The following NCKAP5 variants were observed in gnomAD, a reference collection of about 807,000 sequenced individuals.
NCKAP5 encodes the protein NCK associated protein 5.
Under a neutral mutation model 167.0 loss-of-function variants are expected in NCKAP5, and 92 were observed. The observed-to-expected ratio is 0.55, with a 90% CI of 0.47 to 0.66. NCKAP5 has a LOEUF of 0.66. NCKAP5 is among the 30% of genes least tolerant of loss of function. The pLI, the probability that NCKAP5 is intolerant of heterozygous loss-of-function variation, is 0.00. For missense variants in NCKAP5, 2,378 were observed against 2,315.0 expected (o/e 1.03, Z -0.56); for synonymous variants, 891 against 877.4 (o/e 1.02, Z -0.27).
the NCKAP5 span, among the ~76,000 whole-genome samples, chr2:133,639,440 C>A: frequency 6.6e-6 from 1 of 152,188 alleles, no homozygotes. Context: ...CCTACTATGA[C>A]ACTATCTGGA....
chr2:133,399,690 T>C (rs1687977972), intron 3 of NCKAP5, among the ~76,000 whole-genome samples: 1 of 152,226 alleles, frequency 6.6e-6, no homozygotes, highest in Admixed American at 6.5e-5. Context: ...AGAGCTAATT[T>C]GATTCATTCA....
chr2:132,948,997 GAGAAATGAAA>G (rs2076090190), intron 8 of NCKAP5, among the ~76,000 whole-genome samples: 1 of 104,212 alleles, frequency 9.6e-6, no homozygotes, highest in Non-Finnish European at 1.8e-5. Flanking sequence ...CAAAGATCCA[GAGAAATGAAA>G]AGAAAAGAAA....
intron 11 of NCKAP5, among the ~76,000 whole-genome samples, chr2:132,832,247 A>G (rs1687578001): frequency 1.3e-5 from 2 of 152,150 alleles, no homozygotes; most frequent in South Asian, 4.1e-4. Flanking sequence ...GTATCATTCT[A>G]TAGTAAAGCT....
At chr2:132,710,336 C>T (rs79203975) in intron 19 of NCKAP5, among the ~76,000 whole-genome samples, 7,132 of 152,230 alleles carry the variant, frequency 0.047, 295 homozygotes, top group East Asian at 0.18. Context: ...TAAATATCAA[C>T]AACAATCAAG....
At position 132,920,659 on chromosome 2, in the gene NCKAP5, T is replaced by TTATATATATA. The variant is rs371454572; in HGVS notation, c.580-41753_580-41744dup. Among the ~76,000 whole-genome samples the TTATATATATA allele has an allele frequency of 2.0e-3, 160 of 81,994 alleles. 7 individuals carry two copies. The highest frequency in any genetic ancestry group is 8.0e-3 in the African/African-American group (136 of 17,092). The allele number at this position is 81,994 out of a possible 152,430, so 53.8% of individuals were successfully genotyped here. A position where few individuals can be genotyped will look rare whatever the true frequency, so the allele number is the denominator to read the frequency against. On this transcript the variant is annotated intron_variant, in intron 8 of 19. Transcript: ENST00000409261. ...AGAGCTTATATATATATGGAAGAAC[T>TTATATATATA]TATATATATATATATATATAAGTTA...
At chr2:133,366,977 A>G (rs972337014) in intron 3 of NCKAP5, among the ~76,000 whole-genome samples, 3 of 152,176 alleles carry the variant, frequency 2.0e-5, no homozygotes, top group African/African-American at 7.2e-5. Flanking sequence ...AATGACACCA[A>G]TGGCCCAAAC....
intron 5 of NCKAP5, among the ~76,000 whole-genome samples, chr2:133,201,751 C>A: frequency 6.6e-6 from 1 of 152,112 alleles, no homozygotes; most frequent in East Asian, 1.9e-4. Context: ...TTCATGGTGT[C>A]CTATGCTTCT....
At chr2:133,091,433 G>T (rs967633538) in intron 6 of NCKAP5, among the ~76,000 whole-genome samples, 7 of 151,956 alleles carry the variant, frequency 4.6e-5, no homozygotes, top group Non-Finnish European at 1.0e-4. Context: ...TGAGTCCTCA[G>T]CAAATATTGG....
At chr2:133,542,847 G>A (rs1686343045) in intron 2 of NCKAP5, among the ~76,000 whole-genome samples, 1 of 152,160 alleles carries the variant, frequency 6.6e-6, no homozygotes, top group Admixed American at 6.5e-5. Context: ...GAGTTTTAAG[G>A]TGGTGATATA....
At chr2:133,025,624 G>C (rs1288694332) in intron 6 of NCKAP5, among the ~76,000 whole-genome samples, 4 of 152,124 alleles carry the variant, frequency 2.6e-5, no homozygotes, top group Non-Finnish European at 5.9e-5. Context: ...TTAGCAAGGA[G>C]CAGACCTAGA....
At chr2:133,166,727 G>A (rs188304344) in intron 5 of NCKAP5, among the ~76,000 whole-genome samples, 2 of 152,046 alleles carry the variant, frequency 1.3e-5, no homozygotes, top group Non-Finnish European at 2.9e-5. Flanking sequence ...GCACAGTCTT[G>A]GACTGTCTTT....
chr2:133,178,008 TA>T (rs2150020486), intron 5 of NCKAP5, among the ~76,000 whole-genome samples: 1 of 152,140 alleles, frequency 6.6e-6, no homozygotes, highest in East Asian at 1.9e-4. Flanking sequence ...CCCATCCCAA[TA>T]GGGGTGCAGG....
chr2:132,946,541 A>G (rs1345788143), intron 8 of NCKAP5, among the ~76,000 whole-genome samples: 1 of 152,192 alleles, frequency 6.6e-6, no homozygotes, highest in African/African-American at 2.4e-5. Flanking sequence ...AAAGCTGACA[A>G]GGAAATGAAA....
At chr2:133,469,829 A>G (rs1187782457) in intron 3 of NCKAP5, among the ~76,000 whole-genome samples, 1 of 151,190 alleles carries the variant, frequency 6.6e-6, no homozygotes, top group Non-Finnish European at 1.5e-5. Flanking sequence ...TACATTCTTC[A>G]TGTAGTTCTC....
chr2:132,899,402 C>G (rs1245208763), intron 8 of NCKAP5, among the ~76,000 whole-genome samples: 1 of 152,264 alleles, frequency 6.6e-6, no homozygotes, highest in Non-Finnish European at 1.5e-5. Flanking sequence ...AGCCATAAGG[C>G]TGTTTTGCTT....
chr2:133,105,312 A>G (rs1239685933), intron 6 of NCKAP5, among the ~76,000 whole-genome samples: 1 of 152,224 alleles, frequency 6.6e-6, no homozygotes, highest in Non-Finnish European at 1.5e-5. Context: ...TTGCTAAGGG[A>G]CATTACTTTT....
chr2:133,211,377 T>C (rs2086205306), intron 5 of NCKAP5, among the ~76,000 whole-genome samples: 1 of 152,102 alleles, frequency 6.6e-6, no homozygotes, highest in Non-Finnish European at 1.5e-5. Context: ...ATCACAGGCA[T>C]GCACCACCAC....
rs554685859 is a variant in NCKAP5 at position 133,534,187 on chromosome 2, T to C, written c.-61-16600A>G. On this transcript the variant is annotated intron_variant, in intron 2 of 19. Coordinates refer to ENST00000409261, the MANE Select transcript of NCKAP5 (RefSeq NM_207363.3). ...CCTTCTGACAAATTAATTTCTCTAGTCCTCAATTTCTTAACCTCACATATA... is the reference window on the plus strand; with the variant it reads ...CCTTCTGACAAATTAATTTCTCTAGCCCTCAATTTCTTAACCTCACATATA... 1.6e-4 allele frequency among the ~76,000 whole-genome samples: 24 copies of C among 152,334 alleles called. No homozygotes were observed. The South Asian group carries it at 5.0e-3, about 32-fold the overall frequency.
At chr2:132,763,492 T>G (rs949588521) in intron 16 of NCKAP5, among the ~76,000 whole-genome samples, 4 of 152,216 alleles carry the variant, frequency 2.6e-5, no homozygotes, top group African/African-American at 9.7e-5. Context: ...CTGCGGATCT[T>G]CAAGAACTAC....
Sources: allele counts gnomAD v4.1 joint callset (sites outside exome capture counted in the v4.1 genomes callset), GRCh38; gene constraint gnomAD v4.1.1; transcripts MANE v1.5; gene names NCBI Gene and HGNC (gene_info 2026-07-23, HGNC 2026-07-21).